The following EXD3 variants were observed in gnomAD, a reference collection of about 807,000 sequenced individuals.
EXD3 encodes exonuclease 3'-5' domain containing 3, also known as exonuclease mut-7 homolog.
EXD3 carries 92 observed loss-of-function variants against 98.0 expected under a neutral mutation model. The observed-to-expected ratio is 0.94, with a 90% CI of 0.79 to 1.12. The LOEUF (loss-of-function observed/expected upper bound fraction) is 1.12, where lower values mean the gene tolerates loss of function less well. Among genes scored for constraint, EXD3 ranks in the 50% most tolerant of loss-of-function variants. EXD3 has a pLI of 0.00. For synonymous variants in EXD3, 569 were observed against 526.0 expected (o/e 1.08, Z -1.12); for missense variants, 1,222 against 1,191.6 (o/e 1.03, Z -0.38).
intron 5 of EXD3, among the ~76,000 whole-genome samples, chr9:137,369,022 T>G (rs1588365312): frequency 2.1e-3 from 48 of 22,790 alleles, no homozygotes; most frequent in South Asian, 7.8e-3. Context: ...CAGAGCCGTG[T>G]GGGGAGGGGC....
intron 1 of EXD3, among the ~76,000 whole-genome samples, chr9:137,416,725 C>T (rs1838249580): frequency 1.3e-5 from 2 of 152,350 alleles, no homozygotes; most frequent in South Asian, 4.1e-4. Context: ...CCAGGCGGTT[C>T]CAGGACCTGG....
intron 19 of EXD3, among the ~76,000 whole-genome samples, chr9:137,310,035 CG>C (rs1251817601): frequency 2.6e-5 from 4 of 152,254 alleles, no homozygotes; most frequent in Non-Finnish European, 4.4e-5. Flanking sequence ...CCTCAGCTGG[CG>C]TGTTGGACAC....
At chr9:137,355,604 A>AAAGGAGGAAGGGAGGAAGGAGG (rs1834677876) in intron 8 of EXD3, among the ~76,000 whole-genome samples, 1 of 2,316 alleles carries the variant, frequency 4.3e-4, no homozygotes, top group Admixed American at 4.1e-3. Flanking sequence ...GCGGAAGGAG[A>AAAGGAGGAAGGGAGGAAGGAGG]AAGGAGGAAG....
At position 137,369,467 on chromosome 9, in the gene EXD3, C is replaced by G. The variant is rs1017848268; in HGVS notation, c.463-1478G>C. 7.2e-5 allele frequency among the ~76,000 whole-genome samples: 11 copies of G among 152,342 alleles called. No homozygotes were observed. In the East Asian group the frequency reaches 2.1e-3, roughly 29 times the overall value. On this transcript the variant is annotated intron_variant, in intron 5 of 21. Coordinates refer to ENST00000340951, the MANE Select transcript of EXD3 (RefSeq NM_017820.5). ...TCCTCCTGCCGCATGTGGTTATTGT[C>G]AGGTGCAGGGAAGTGGAGGATGGGG...
chr9:137,408,042 C>T (rs534210731), intron 1 of EXD3, among the ~76,000 whole-genome samples: 1 of 152,290 alleles, frequency 6.6e-6, no homozygotes, highest in East Asian at 1.9e-4. Context: ...CTCCCAGCCT[C>T]AGGCCTCCAA....
intron 19 of EXD3, among the ~76,000 whole-genome samples, chr9:137,322,511 C>A (rs1376186453): frequency 9.0e-6 from 1 of 111,292 alleles, no homozygotes; most frequent in Admixed American, 8.7e-5. Context: ...CGACACCTCA[C>A]CCCGGACCAC....
intron 19 of EXD3, among the ~76,000 whole-genome samples, chr9:137,313,102 C>T (rs886495763): frequency 6.6e-6 from 1 of 152,132 alleles, no homozygotes; most frequent in Admixed American, 6.5e-5. Context: ...ACCCTTGGAC[C>T]CCACCCACCC....
intron 3 of EXD3, among the ~76,000 whole-genome samples, chr9:137,378,455 A>G (rs747309567): frequency 5.3e-5 from 8 of 151,980 alleles, no homozygotes; most frequent in Non-Finnish European, 7.4e-5. Context: ...AGGTGATCCT[A>G]TCACCTCAGC....
intron 3 of EXD3, among the ~76,000 whole-genome samples, chr9:137,379,957 C>G (rs61416343): frequency 0.046 from 7,058 of 152,126 alleles, 213 homozygotes; most frequent in African/African-American, 0.079. Context: ...CACACATGGA[C>G]CCAGTGCCCA....
chr9:137,414,311 G>A (rs767916495), intron 1 of EXD3, among the ~76,000 whole-genome samples: 16 of 152,220 alleles, frequency 1.1e-4, no homozygotes, highest in Non-Finnish European at 2.2e-4. Context: ...GCCTTTCCGT[G>A]GCTGAGTCCT....
intron 1 of EXD3, among the ~76,000 whole-genome samples, chr9:137,413,041 C>T (rs1039359860): frequency 6.6e-6 from 1 of 152,210 alleles, no homozygotes; most frequent in African/African-American, 2.4e-5. Context: ...CTCAACCTCC[C>T]TAAGTGCTGG....
chr9:137,357,813 G>A (rs1834870835), intron 7 of EXD3, among the ~76,000 whole-genome samples: 1 of 151,812 alleles, frequency 6.6e-6, no homozygotes. Flanking sequence ...AATAGGCCAT[G>A]TGCAAGCTGA....
chr9:137,408,842 C>T (rs1443803664), intron 1 of EXD3, among the ~76,000 whole-genome samples: 1 of 152,196 alleles, frequency 6.6e-6, no homozygotes, highest in Non-Finnish European at 1.5e-5. Context: ...AGGACCCGGG[C>T]GCAGCTTGTC....
In EXD3 at chr9:137,349,218, G is replaced by A. The variant is rs1337867160; in HGVS notation, c.1722C>T (p.His574=). ...GGCTCCCAGCCAGGTCCTCCGACAGGTGGAAGCGGGCGGGCTCTCTGCACA... is the reference window on the plus strand; with the variant it reads ...GGCTCCCAGCCAGGTCCTCCGACAGATGGAAGCGGGCGGGCTCTCTGCACA... ...QALCREPARF[H]LSEDLAGSRR... is the part of the protein sequence containing the mutation. Residue 574 remains histidine (H), a synonymous_variant, in exon 16 of 22, where the codon CAC becomes CAT. Coordinates refer to ENST00000340951, the MANE Select transcript of EXD3 (RefSeq NM_017820.5). The surrounding 1 kb of genome is among the most constrained non-coding windows in gnomAD (Gnocchi z 7.4). 5 of 1,580,016 alleles carry A rather than the reference G, an allele frequency of 3.2e-6. No individual in the cohort carries two copies. Among genetic ancestry groups the A allele is most frequent in the Admixed American group, 1.8e-5 (1 of 56,098 alleles).
intron 7 of EXD3, among the ~76,000 whole-genome samples, chr9:137,363,752 G>T (rs1019867775): frequency 1.1e-4 from 16 of 152,094 alleles, no homozygotes; most frequent in African/African-American, 3.6e-4. Flanking sequence ...TTACTTAATA[G>T]ATATATAGGA....
intron 19 of EXD3, among the ~76,000 whole-genome samples, chr9:137,321,375 C>T (rs1832023423): frequency 6.6e-6 from 1 of 152,128 alleles, no homozygotes; most frequent in Non-Finnish European, 1.5e-5. Context: ...TGAGGGGGTC[C>T]CAAAACTTCC....
intron 19 of EXD3, among the ~76,000 whole-genome samples, chr9:137,315,647 G>A (rs578023265): frequency 6.6e-4 from 100 of 152,238 alleles, no homozygotes; most frequent in African/African-American, 2.3e-3. Context: ...ACAAAGCCCC[G>A]TAGTGTGAAT....
intron 3 of EXD3, among the ~76,000 whole-genome samples, chr9:137,377,585 C>A (rs1209083893): frequency 6.6e-6 from 1 of 151,372 alleles, no homozygotes; most frequent in Non-Finnish European, 1.5e-5. Context: ...ACCAGACGTG[C>A]TGATGCGCAC....
chr9:137,362,846 T>C (rs1835055165), intron 7 of EXD3, among the ~76,000 whole-genome samples: 1 of 152,168 alleles, frequency 6.6e-6, no homozygotes, highest in Admixed American at 6.5e-5. Flanking sequence ...GTTTCACTCT[T>C]GTAGCCCAGG....
Sources: gnomAD v4.1 joint callset for allele counts (sites outside exome capture counted in the v4.1 genomes callset) on GRCh38, gnomAD v4.1.1 for gene constraint, Gnocchi (gnomAD v3.1) non-coding constraint, MANE v1.5 for transcripts, NCBI Gene and HGNC (gene_info 2026-07-23, HGNC 2026-07-21) for gene names.